SLC16A1: variants seen among roughly 807,000 people sequenced by gnomAD.
The protein encoded by SLC16A1 is monocarboxylate transporter 1.
Under a neutral mutation model 32.2 loss-of-function variants are expected in SLC16A1, and 11 were observed. The ratio of observed to expected loss-of-function variants is 0.34; its 90% CI spans 0.21 to 0.56. The LOEUF is 0.56. Ranked by LOEUF, SLC16A1 falls within the 20% of genes least tolerant of loss-of-function variation. The pLI is 0.87. For synonymous variants in SLC16A1, 231 were observed against 226.8 expected, an observed-to-expected ratio of 1.02 and a Z score of -0.17; for missense variants, 435 against 615.0, an observed-to-expected ratio of 0.71 and a Z score of 3.10.
chr1:112,917,961 G>C lies in SLC16A1; in HGVS notation c.445C>G (p.Leu149Val), dbSNP rs755757976. ...FYKRRPLANGLAMAGSPVFLC... is the reference protein window; with the variant it reads ...FYKRRPLANGVAMAGSPVFLC... Reference sequence around the variant, plus strand: ...AACACAGGGCTGCCTGCCATGGCCAGTCCGTTGGCCAATGGTCGCCTCTTG... The same window carrying C: ...AACACAGGGCTGCCTGCCATGGCCACTCCGTTGGCCAATGGTCGCCTCTTG... The change falls in exon 4 of 5, where the codon CTG becomes GTG. Residue 149 changes from leucine to valine, a missense_variant. Physicochemically the swap from Leu to Val is conservative, Grantham distance 32. This residue lies in a region of SLC16A1 where 324 missense variants were observed against 500.3 expected (regional missense o/e 0.65). Transcript: ENST00000369626. This position sits in a 1 kb window ranked among gnomAD's most constrained non-coding sequence, Gnocchi z 4.1. The C allele has an allele frequency of 6.3e-7, 1 of 1,587,938 alleles. No homozygotes were observed. The highest frequency in any genetic ancestry group is 1.9e-5 in the Admixed American group (1 of 51,812).
In SLC16A1 at chr1:112,919,197, A is replaced by AT. The variant is rs887257990; in HGVS notation, c.362-1154dup. Among the ~76,000 whole-genome samples, 290 of 145,838 alleles carry AT rather than the reference A, an allele frequency of 2.0e-3. 1 individual carries two copies. Among genetic ancestry groups the AT allele is most frequent in the African/African-American group, 6.0e-3 (238 of 39,886 alleles). On this transcript the variant is annotated intron_variant, in intron 3 of 4. Coordinates refer to ENST00000369626, the MANE Select transcript of SLC16A1 (RefSeq NM_003051.4). ...AGGCGCCCGCCACCATGCCCGGCTC[A>AT]TTTTTTTTTTGTATTTTTAGTAGAG...
Position 112,917,172 on chromosome 1 carries a change from C to T in SLC16A1, c.1228+6G>A, listed in dbSNP as rs190615745. On this transcript the variant is annotated splice_donor_region_variant and intron_variant, in intron 4 of 4. Coordinates refer to ENST00000369626, the MANE Select transcript of SLC16A1 (RefSeq NM_003051.4). This position sits in a 1 kb window ranked among gnomAD's most constrained non-coding sequence, Gnocchi z 4.1. ...AGACCCACATTAGTAGGGAGATATA[C>T]TATACCTAAAAGTGGTGGCCCCAGG... The T allele has an allele frequency of 1.9e-6, 3 of 1,614,136 alleles. No homozygotes were observed. The highest frequency in any genetic ancestry group is 4.5e-5 in the East Asian group (2 of 44,884).
intron 2 of SLC16A1, among the ~76,000 whole-genome samples, chr1:112,926,592 GGCTAGGCATGGTGGCTCAT>G (rs1178846367): frequency 6.6e-6 from 1 of 151,358 alleles, no homozygotes; most frequent in Non-Finnish European, 1.5e-5. Context: ...ATAAATACCA[GGCTAGGCATGGTGGCTCAT>G]GCCTGTAATC....
chr1:112,923,875 C>G, intron 2 of SLC16A1: 1 of 1,517,748 alleles, frequency 6.6e-7, no homozygotes, highest in Non-Finnish European at 9.1e-7. Flanking sequence ...AACGCCACCA[C>G]CCAGCAGGTG....
At position 112,918,582 on chromosome 1, in the gene SLC16A1, A is replaced by G. The variant is rs542391175; in HGVS notation, c.362-538T>C. The stretch of plus-strand genomic sequence containing the variant: ...TTGGGAAGCCAAGGCGGCAGGATTG[A>G]TTAAGGCCAGGCATTCAAGACCACC... On this transcript the variant is annotated intron_variant, in intron 3 of 4. Coordinates refer to ENST00000369626, the MANE Select transcript of SLC16A1 (RefSeq NM_003051.4). Among the ~76,000 whole-genome samples, 11 of 152,280 alleles carry G rather than the reference A, an allele frequency of 7.2e-5. No individual in the cohort carries two copies. The East Asian group carries it at 2.1e-3, about 29-fold the overall frequency.
Position 112,914,026 on chromosome 1 carries a change from CTCGTTTGCTTTCTGT to C in SLC16A1, c.1353_1367del (p.Ala454_Lys458del). ...CTTCCTCTTTACTTTCCTTTTTCTG[CTCGTTTGCTTTCTGT>C]TCTTTTGCCAAAAGTCGATAATTGA... On this transcript the variant is annotated inframe_deletion, in exon 5 of 5. Coordinates refer to ENST00000369626, the MANE Select transcript of SLC16A1 (RefSeq NM_003051.4). 1 of 1,614,144 alleles carries C rather than the reference CTCGTTTGCTTTCTGT, an allele frequency of 6.2e-7. No individual in the cohort carries two copies. Among genetic ancestry groups the C allele is most frequent in the South Asian group, 1.1e-5 (1 of 91,078 alleles).
At chr1:112,918,982 A>G (rs1337799699) in intron 3 of SLC16A1, among the ~76,000 whole-genome samples, 1 of 151,962 alleles carries the variant, frequency 6.6e-6, no homozygotes. Context: ...CTAAGATGCC[A>G]AGGCTCCTGA....
At chr1:112,949,653 C>T (rs1649819606) in intron 1 of SLC16A1, among the ~76,000 whole-genome samples, 2 of 152,036 alleles carry the variant, frequency 1.3e-5, no homozygotes, top group Non-Finnish European at 2.9e-5. Context: ...TTTAGTAAAA[C>T]TTATGGAACC....
chr1:112,936,643 TTTTTATTGCTTAGGAC>T (rs1649319961), intron 1 of SLC16A1, among the ~76,000 whole-genome samples: 1 of 152,148 alleles, frequency 6.6e-6, no homozygotes, highest in South Asian at 2.1e-4. Context: ...TCCTTTGAGA[TTTTTATTGCTTAGGAC>T]AGTGAACCAC....
At chr1:112,915,537 A>G (rs1648471950) in intron 4 of SLC16A1, among the ~76,000 whole-genome samples, 1 of 152,346 alleles carries the variant, frequency 6.6e-6, no homozygotes, top group Middle Eastern at 3.4e-3. Context: ...AATGGGAAGC[A>G]ACTGGAGAGT....
rs747006746 is a variant in SLC16A1, at chr1:112,922,066, C to G, written c.285G>C (p.Leu95Phe). The change falls in exon 3 of 5, where the codon TTG becomes TTC. Residue 95 changes from leucine to phenylalanine, a missense_variant. Physicochemically the swap from Leu to Phe is conservative, Grantham distance 22. Around this residue, in one of 2 missense-constraint regions of SLC16A1, gnomAD observed 324 missense variants for 500.3 expected, o/e 0.65. Transcript: ENST00000369626. ...SRIVMIVGGC[L>F]SGCGLIAASF... is the part of the protein sequence containing the mutation. ...AAGCTGCAATCAAGCCACAGCCTGA[C>G]AAGCAGCCACCAACAATCATGACTA... 2 of 1,614,180 alleles carry G rather than the reference C, an allele frequency of 1.2e-6. No homozygotes were observed. Among genetic ancestry groups the G allele is most frequent in the South Asian group, 1.1e-5 (1 of 91,088 alleles).
intron 1 of SLC16A1, among the ~76,000 whole-genome samples, chr1:112,931,447 A>C (rs1649125234): frequency 6.6e-6 from 1 of 151,946 alleles, no homozygotes; most frequent in Non-Finnish European, 1.5e-5. Context: ...GGAGTTCGAG[A>C]CCAACCTTAT....
At chr1:112,922,491 T>C in intron 2 of SLC16A1, 1 of 304,992 alleles carries the variant, frequency 3.3e-6, no homozygotes, top group South Asian at 3.2e-5. Context: ...ATGTAGAAAG[T>C]GGCTGGGCGC....
chr1:112,917,703 C>G lies in SLC16A1; in HGVS notation c.703G>C (p.Gly235Arg), dbSNP rs539153097. The G allele has an allele frequency of 2.0e-5, 32 of 1,614,200 alleles. No individual in the cohort carries two copies. The East Asian group carries it at 6.9e-4, about 35-fold the overall frequency. The change falls in exon 4 of 5, where the codon GGA (glycine) becomes CGA (arginine). Residue 235 changes from glycine to arginine, a missense_variant. Transcript: ENST00000369626. The surrounding 1 kb of genome is among the most constrained non-coding windows in gnomAD (Gnocchi z 4.1). Reference sequence around the variant, plus strand: ...CGTTTCTCTTGTTTAGGGTGTCTTCCAATAAGATCTGTATTTGCATCATGC... The same window carrying G: ...CGTTTCTCTTGTTTAGGGTGTCTTCGAATAAGATCTGTATTTGCATCATGC... ...DLHDANTDLI[G>R]RHPKQEKRSV...
intron 1 of SLC16A1, among the ~76,000 whole-genome samples, chr1:112,940,791 T>A (rs909896212): frequency 4.6e-5 from 7 of 152,208 alleles, no homozygotes; most frequent in Admixed American, 1.3e-4. Context: ...ATGTCAAATT[T>A]ACTATTTTTA....
intron 1 of SLC16A1, among the ~76,000 whole-genome samples, chr1:112,932,749 G>A (rs148203835): frequency 0.028 from 3,860 of 140,072 alleles, 304 homozygotes; most frequent in East Asian, 0.23. Flanking sequence ...AGCCGAGATC[G>A]CGCCATTGCA....
In SLC16A1 at chr1:112,917,890, A is replaced by G; in HGVS notation, c.516T>C (p.Phe172=). 6.2e-7 allele frequency: 1 copy of G among 1,609,610 alleles called. No individual in the cohort carries two copies. The highest frequency in any genetic ancestry group is 1.1e-5 in the South Asian group (1 of 90,536). Reference sequence around the variant, plus strand: ...GAATTAGAAAGCTTCCTCTCCATCCAAAGATACCGAAGAAAACCTGATTGA... The same window carrying G: ...GAATTAGAAAGCTTCCTCTCCATCCGAAGATACCGAAGAAAACCTGATTGA... ...APLNQVFFGI[F]GWRGSFLILG... The change falls in exon 4 of 5, where the codon TTT becomes TTC. Residue 172 remains phenylalanine (F), a synonymous_variant. Coordinates refer to ENST00000369626, the MANE Select transcript of SLC16A1 (RefSeq NM_003051.4). This position sits in a 1 kb window ranked among gnomAD's most constrained non-coding sequence, Gnocchi z 4.1.
In SLC16A1 at chr1:112,917,722, A is replaced by G. The variant is rs201523061; in HGVS notation, c.684T>C (p.Asp228=). 68 of 1,614,048 alleles carry G rather than the reference A, an allele frequency of 4.2e-5. No homozygotes were observed. The highest frequency in any genetic ancestry group is 8.3e-5 in the Admixed American group (5 of 60,008). Residue 228 remains aspartate, a synonymous_variant, in exon 4 of 5, where the codon GAT becomes GAC. Coordinates refer to ENST00000369626, the MANE Select transcript of SLC16A1 (RefSeq NM_003051.4). This position sits in a 1 kb window ranked among gnomAD's most constrained non-coding sequence, Gnocchi z 4.1. ...GKSGVKKDLH[D]ANTDLIGRHP... ...GTCTTCCAATAAGATCTGTATTTGC[A>G]TCATGCAGATCTTTTTTCACACCAG...
chr1:112,954,399 T>C (rs1650006403), intron 1 of SLC16A1, among the ~76,000 whole-genome samples: 2 of 152,202 alleles, frequency 1.3e-5, no homozygotes, highest in Admixed American at 6.5e-5. Flanking sequence ...CCTAAGATGT[T>C]AGATCACTTA....
Sources: allele counts gnomAD v4.1 joint callset (sites outside exome capture counted in the v4.1 genomes callset), GRCh38; gene constraint gnomAD v4.1.1; regional missense constraint gnomAD v4.1.1; non-coding constraint Gnocchi (gnomAD v3.1); transcripts MANE v1.5; gene names NCBI Gene and HGNC (gene_info 2026-07-23, HGNC 2026-07-21).